PBRM1: variants seen among roughly 807,000 people sequenced by gnomAD.
PBRM1 encodes the protein protein polybromo-1.
A neutral mutation model predicts 194.5 loss-of-function variants in PBRM1; 27 were observed. The observed-to-expected ratio is 0.14, with a 90% CI of 0.10 to 0.19. PBRM1 has a LOEUF of 0.19. Ranked by LOEUF, PBRM1 falls within the 10% of genes least tolerant of loss-of-function variation. The pLI is 1.00. For missense variants in PBRM1, 1,466 were observed against 2,077.2 expected (o/e 0.71, Z 5.72); for synonymous variants, 655 against 693.2 (o/e 0.94, Z 0.87).
chr3:52,559,762 A>G (rs912487835), intron 25 of PBRM1, among the ~76,000 whole-genome samples: 2 of 151,946 alleles, frequency 1.3e-5, no homozygotes, highest in Non-Finnish European at 2.9e-5. Flanking sequence ...ATCATCACTA[A>G]GACTGTCCTA....
At chr3:52,644,333 T>C (rs1294050107) in intron 8 of PBRM1, among the ~76,000 whole-genome samples, 2 of 152,142 alleles carry the variant, frequency 1.3e-5, no homozygotes, top group African/African-American at 2.4e-5. Flanking sequence ...TTAATGTTTA[T>C]TGATTTCACT....
intron 10 of PBRM1, among the ~76,000 whole-genome samples, chr3:52,641,140 G>A (rs1276084722): frequency 6.6e-6 from 1 of 151,992 alleles, no homozygotes; most frequent in Non-Finnish European, 1.5e-5. Flanking sequence ...AGATACAACT[G>A]GAGAAGTCTG....
chr3:52,599,619 G>A lies in PBRM1; in HGVS notation c.2779+3902C>T, dbSNP rs1206299036. ...GAGGTCAGGAGATCGAGACCATCCT[G>A]GCTAACACAGTGACACCCCGTCTCT... is the stretch of plus-strand genomic sequence containing the variant. On this transcript the variant is annotated intron_variant, in intron 17 of 29. Transcript: ENST00000296302. Among the ~76,000 whole-genome samples the A allele has an allele frequency of 2.7e-5, 4 of 150,604 alleles. No individual in the cohort carries two copies. The East Asian group carries it at 5.8e-4, about 22-fold the overall frequency.
upstream of PBRM1, among the ~76,000 whole-genome samples, chr3:52,683,669 T>A (rs537143730): frequency 1.3e-5 from 2 of 151,716 alleles, no homozygotes; most frequent in South Asian, 4.2e-4. Context: ...CAAAAAATTA[T>A]CTAGGCAAGG....
upstream of PBRM1, among the ~76,000 whole-genome samples, chr3:52,684,506 A>AG (rs1265619712): frequency 6.6e-6 from 1 of 152,220 alleles, no homozygotes; most frequent in Non-Finnish European, 1.5e-5. Context: ...AGGAAAAAAA[A>AG]CACCTATAAA....
At chr3:52,605,196 T>C (rs1344271350) in intron 16 of PBRM1, among the ~76,000 whole-genome samples, 1 of 152,124 alleles carries the variant, frequency 6.6e-6, no homozygotes, top group Non-Finnish European at 1.5e-5. Flanking sequence ...CTCAACTTCT[T>C]GGGCTCAGGC....
chr3:52,684,781 C>T (rs1040605257), intron 1 of PBRM1: 2 of 152,088 alleles, frequency 1.3e-5, no homozygotes, highest in Non-Finnish European at 2.9e-5. Context: ...TTGTACATTC[C>T]CAAAGCCAAA....
At chr3:52,559,957 A>T (rs2083105095) in intron 25 of PBRM1, among the ~76,000 whole-genome samples, 1 of 151,740 alleles carries the variant, frequency 6.6e-6, no homozygotes. Context: ...AAAAAAAAAA[A>T]TAAGGCCTGT....
rs139228310 is a variant in PBRM1 at position 52,677,256 on chromosome 3, A to G, written c.236+1244T>C. Among the ~76,000 whole-genome samples, 676 of 152,284 alleles carry G rather than the reference A, an allele frequency of 4.4e-3. 7 individuals carry two copies. Among genetic ancestry groups the G allele is most frequent in the African/African-American group, 0.015 (621 of 41,560 alleles). On this transcript the variant is annotated intron_variant, in intron 2 of 29. Coordinates refer to ENST00000296302, the Ensembl canonical transcript of PBRM1. ...CATCTAAGGACACCGTACAAAATGAAAAGGCAACCTACAGAATGGCTCTAT... is the reference window on the plus strand; with the variant it reads ...CATCTAAGGACACCGTACAAAATGAGAAGGCAACCTACAGAATGGCTCTAT...
intron 5 of PBRM1, among the ~76,000 whole-genome samples, 162 bp from the exon 7 acceptor site, chr3:52,651,972 C>T (rs2096506478): frequency 6.6e-6 from 1 of 152,176 alleles, no homozygotes; most frequent in Non-Finnish European, 1.5e-5. Context: ...TATATCAGAA[C>T]CATAAAGAAT....
At chr3:52,615,149 T>C (rs1251969901) in intron 15 of PBRM1, among the ~76,000 whole-genome samples, 1 of 152,236 alleles carries the variant, frequency 6.6e-6, no homozygotes, top group Non-Finnish European at 1.5e-5. Context: ...ACCTCTGACA[T>C]TATATTTTAC....
intron 20 of PBRM1, among the ~76,000 whole-genome samples, chr3:52,581,975 G>C (rs950291477): frequency 7.9e-5 from 12 of 152,106 alleles, no homozygotes; most frequent in Non-Finnish European, 1.8e-4. Flanking sequence ...GGGAGTAGTG[G>C]CTCTCACCTG....
At chr3:52,617,337 A>G (rs776036109) in exon 14 of PBRM1, 10 of 1,613,806 alleles carry the variant, frequency 6.2e-6, no homozygotes, top group Middle Eastern at 1.6e-4. Context: ...CCTCTTCACC[A>G]GCATATTTGT....
At chr3:52,671,270 A>C (rs1315529664) in intron 2 of PBRM1, among the ~76,000 whole-genome samples, 4 of 152,230 alleles carry the variant, frequency 2.6e-5, no homozygotes, top group Non-Finnish European at 4.4e-5. Context: ...TAATTCTCAT[A>C]AATACTTGAG....
At chr3:52,652,460 G>T (rs1268341206) in intron 5 of PBRM1, among the ~76,000 whole-genome samples, 4 of 149,826 alleles carry the variant, frequency 2.7e-5, no homozygotes. Context: ...AGGCCGAGGC[G>T]GGTGGTTCAC....
exon 22 of PBRM1, chr3:52,576,657 T>C: frequency 6.2e-7 from 1 of 1,610,776 alleles, no homozygotes. Flanking sequence ...GATGGGGCCA[T>C]AAAAATATGC....
chr3:52,655,924 G>A lies in PBRM1; in HGVS notation c.645+2275C>T, dbSNP rs541818739. ...CCAAAGTCATCCAATCCTTCGGATC[G>A]GGTTCCAGTTATAGACAGTAATACA... On this transcript the variant is annotated intron_variant, in intron 5 of 29. Coordinates refer to ENST00000296302, the Ensembl canonical transcript of PBRM1. Among the ~76,000 whole-genome samples the A allele has an allele frequency of 1.2e-4, 19 of 152,248 alleles. 1 individual carries two copies. The Middle Eastern group carries it at 0.01, about 82-fold the overall frequency.
At chr3:52,599,919 T>C (rs1231658535) in intron 17 of PBRM1, among the ~76,000 whole-genome samples, 2 of 152,158 alleles carry the variant, frequency 1.3e-5, no homozygotes, top group African/African-American at 4.8e-5. Flanking sequence ...GGATGTATTA[T>C]TTTTAAATAC....
chr3:52,684,043 CAG>C (rs1378597072), upstream of PBRM1, among the ~76,000 whole-genome samples: 1 of 151,756 alleles, frequency 6.6e-6, no homozygotes, highest in Non-Finnish European at 1.5e-5. Flanking sequence ...TGCTGCACAT[CAG>C]TAATCCCAGC....
Sources: gnomAD v4.1 joint callset for allele counts (sites outside exome capture counted in the v4.1 genomes callset) on GRCh38, gnomAD v4.1.1 for gene constraint, MANE v1.5 for transcripts, NCBI Gene and HGNC (gene_info 2026-07-23, HGNC 2026-07-21) for gene names.